CCDC112: variants seen among roughly 807,000 people sequenced by gnomAD.
CCDC112 encodes the protein coiled-coil domain containing 112.
Under a neutral mutation model 66.3 loss-of-function variants are expected in CCDC112, and 40 were observed. The ratio of observed to expected loss-of-function variants is 0.60; its 90% CI spans 0.47 to 0.79. The LOEUF is 0.79. Among genes scored for constraint, CCDC112 ranks in the 30% least tolerant of loss-of-function variants. CCDC112 has a pLI of 0.00. For missense variants in CCDC112, 659 were observed against 603.8 expected (o/e 1.09, Z -0.96); for synonymous variants, 214 against 197.2 (o/e 1.09, Z -0.71).
chr5:115,291,143 T>C (rs1402262959), intron 1 of CCDC112, among the ~76,000 whole-genome samples: 3 of 152,126 alleles, frequency 2.0e-5, no homozygotes, highest in Non-Finnish European at 4.4e-5. Flanking sequence ...AAAGTTCTCT[T>C]CTATTGACAG....
At position 115,296,547 on chromosome 5, in the gene CCDC112, TA is replaced by T; in HGVS notation, c.-5del. ...CAACCGTCGTCAGTGCGGCCATGTT[TA>T]CCCGCCGAGCTACTCGGGCCGCGGC... On this transcript the variant is annotated 5_prime_UTR_variant, in exon 1 of 10. Coordinates refer to ENST00000379611, the MANE Select transcript of CCDC112 (RefSeq NM_001040440.3). 2.0e-6 allele frequency: 3 copies of T among 1,488,472 alleles called. No homozygotes were observed. The highest frequency in any genetic ancestry group is 2.7e-6 in the Non-Finnish European group (3 of 1,122,068). 92.2% of individuals were successfully genotyped at this position (1,488,472 alleles called of 1,614,324 possible). A position where few individuals can be genotyped will look rare whatever the true frequency, so the allele number is the denominator to read the frequency against.
intron 6 of CCDC112, among the ~76,000 whole-genome samples, chr5:115,272,848 A>T (rs1485399913): frequency 6.6e-6 from 1 of 152,234 alleles, no homozygotes; most frequent in Non-Finnish European, 1.5e-5. Context: ...CACCTAGTAC[A>T]GTGCTACTCA....
intron 6 of CCDC112, among the ~76,000 whole-genome samples, chr5:115,274,402 C>A (rs1023033005): frequency 6.6e-6 from 1 of 152,150 alleles, no homozygotes; most frequent in African/African-American, 2.4e-5. Context: ...CTGCCACAAT[C>A]AGGCGTTATT....
At chr5:115,289,389 G>A (rs1040881152) in intron 1 of CCDC112, 1 of 153,374 alleles carries the variant, frequency 6.5e-6, no homozygotes, top group Admixed American at 6.5e-5. Context: ...CCTGGTGTGT[G>A]AGCCTCTGTG....
chr5:115,294,692 G>A (rs1041734312), intron 1 of CCDC112, among the ~76,000 whole-genome samples: 1 of 152,148 alleles, frequency 6.6e-6, no homozygotes, highest in African/African-American at 2.4e-5. Context: ...CAGTGTTAAA[G>A]TCAGTAGGAA....
At chr5:115,296,012 A>G (rs1750139594) in intron 1 of CCDC112, 1 of 990,830 alleles carries the variant, frequency 1.0e-6, no homozygotes, top group Non-Finnish European at 1.2e-6. Flanking sequence ...CAGCGCCGGT[A>G]CAGTAACAGA....
At chr5:115,291,231 T>C (rs1338163446) in intron 1 of CCDC112, among the ~76,000 whole-genome samples, 1 of 152,154 alleles carries the variant, frequency 6.6e-6, no homozygotes, top group Non-Finnish European at 1.5e-5. Flanking sequence ...TCTGCTTCTA[T>C]TGGGATGATT....
intron 1 of CCDC112, among the ~76,000 whole-genome samples, chr5:115,293,038 G>A (rs983755867): frequency 2.6e-5 from 4 of 152,182 alleles, no homozygotes; most frequent in African/African-American, 9.6e-5. Context: ...TATAGTTCTG[G>A]AGGTCTACTC....
chr5:115,268,806 CA>C, intron 9 of CCDC112, 75 bp downstream of exon 9: 1 of 607,576 alleles, frequency 1.6e-6, no homozygotes, highest in Non-Finnish European at 2.7e-6. Context: ...ATATAATTTA[CA>C]TATAGTAAGT....
intron 3 of CCDC112, chr5:115,277,312 C>T (rs905383499): frequency 7.7e-6 from 2 of 258,282 alleles, no homozygotes; most frequent in African/African-American, 4.5e-5. Context: ...TTTTTTTCCC[C>T]TTCTGTGTAG....
intron 1 of CCDC112, among the ~76,000 whole-genome samples, chr5:115,286,316 C>T (rs1052990692): frequency 6.6e-6 from 1 of 152,076 alleles, no homozygotes; most frequent in Non-Finnish European, 1.5e-5. Flanking sequence ...CCTTGTCTGA[C>T]TTCTTTCACT....
chr5:115,296,642 G>C lies in CCDC112; in HGVS notation c.-99C>G. The C allele has an allele frequency of 1.5e-6, 2 of 1,294,002 alleles. No individual in the cohort carries two copies. The highest frequency in any genetic ancestry group is 2.0e-6 in the Non-Finnish European group (2 of 1,010,312). The allele number at this position is 1,294,002 out of a possible 1,614,324, so 80.2% of individuals were successfully genotyped here. The stretch of plus-strand genomic sequence containing the variant: ...CTGCAGACAGCTCCCTGCGCTGCGG[G>C]CTTGGCCGGGATGCAGGGCGGGGCC... On this transcript the variant is annotated 5_prime_UTR_variant, in exon 1 of 10. Coordinates refer to ENST00000379611, the MANE Select transcript of CCDC112 (RefSeq NM_001040440.3).
chr5:115,290,695 C>T (rs1351543864), intron 1 of CCDC112, among the ~76,000 whole-genome samples: 2 of 152,022 alleles, frequency 1.3e-5, no homozygotes, highest in African/African-American at 2.4e-5. Flanking sequence ...AAGTTTTATG[C>T]TTCTTTTGTT....
intron 5 of CCDC112, 79 bp from the exon 6 acceptor site, chr5:115,275,685 G>T (rs955690256): frequency 9.9e-7 from 1 of 1,008,140 alleles, no homozygotes; most frequent in Non-Finnish European, 1.4e-6. Flanking sequence ...TAAGATACCT[G>T]ACTCTTTATA....
Position 115,267,809 on chromosome 5 carries a change from G to T in CCDC112, c.*67C>A. 8.3e-7 allele frequency: 1 copy of T among 1,210,324 alleles called. No individual in the cohort carries two copies. Among genetic ancestry groups the T allele is most frequent in the South Asian group, 1.2e-5 (1 of 82,224 alleles). The allele number at this position is 1,210,324 out of a possible 1,614,324, so 75.0% of individuals were successfully genotyped here. ...TATTGATATTTAAAGAATGTGGTTA[G>T]TCACTCTCTCCCTGGTATAACTTAG... On this transcript the variant is annotated 3_prime_UTR_variant, in exon 10 of 10. Coordinates refer to ENST00000379611, the MANE Select transcript of CCDC112 (RefSeq NM_001040440.3).
At chr5:115,269,540 A>AATGCTATAACTT (rs1370519470) in intron 8 of CCDC112, 163 bp downstream of exon 8, 1 of 544,598 alleles carries the variant, frequency 1.8e-6, no homozygotes, top group South Asian at 2.6e-5. Context: ...ATGGTTGCTT[A>AATGCTATAACTT]AATTGTACCA....
At chr5:115,270,602 A>C (rs17459144) in intron 7 of CCDC112, among the ~76,000 whole-genome samples, 59,229 of 152,002 alleles carry the variant, frequency 0.39, 12,258 homozygotes, top group Middle Eastern at 0.6. Context: ...CACTAATGCA[A>C]ACACACCACT....
At chr5:115,272,376 A>T (rs1749043331) in intron 6 of CCDC112, among the ~76,000 whole-genome samples, 1 of 152,244 alleles carries the variant, frequency 6.6e-6, no homozygotes, top group Non-Finnish European at 1.5e-5. Flanking sequence ...GGTTAAGAAC[A>T]TGAGCACTGA....
chr5:115,269,514 T>A (rs988064429), intron 8 of CCDC112, 189 bp downstream of exon 8: 1 of 532,540 alleles, frequency 1.9e-6, no homozygotes, highest in Non-Finnish European at 3.3e-6. Flanking sequence ...TAAGGTAAAA[T>A]GACAGAATTC....
Sources: allele counts gnomAD v4.1 joint callset (sites outside exome capture counted in the v4.1 genomes callset), GRCh38; gene constraint gnomAD v4.1.1; transcripts MANE v1.5; gene names NCBI Gene and HGNC (gene_info 2026-07-23, HGNC 2026-07-21).